The following CDK17 variants were observed in gnomAD, a reference collection of about 807,000 sequenced individuals.
The protein encoded by CDK17 is cyclin dependent kinase 17.
Under a neutral mutation model 77.6 loss-of-function variants are expected in CDK17, and 24 were observed. The observed-to-expected ratio is 0.31, with a 90% CI of 0.22 to 0.44. The LOEUF (loss-of-function observed/expected upper bound fraction) is 0.44, where lower values mean the gene tolerates loss of function less well. CDK17 is among the 20% of genes least tolerant of loss of function. The pLI is 1.00. For missense variants in CDK17, 429 were observed against 622.5 expected (o/e 0.69, Z 3.31); for synonymous variants, 203 against 210.4 (o/e 0.96, Z 0.30).
chr12:96,386,189 T>C (rs1193571191), intron 1 of CDK17, among the ~76,000 whole-genome samples: 1 of 152,166 alleles, frequency 6.6e-6, no homozygotes, highest in African/African-American at 2.4e-5. Context: ...AGAGATGGCA[T>C]TTTGCCATGT....
At chr12:96,296,549 C>T (rs1952409047) in intron 9 of CDK17, among the ~76,000 whole-genome samples, 1 of 152,166 alleles carries the variant, frequency 6.6e-6, no homozygotes, top group Admixed American at 6.5e-5. Context: ...AAGCACACAG[C>T]TGCGACAGCC....
intron 9 of CDK17, chr12:96,295,456 G>GCCTACTAAGGTTTACATAGTTTA (rs1952390342): frequency 1.9e-5 from 3 of 157,470 alleles, no homozygotes; most frequent in African/African-American, 7.3e-5. Flanking sequence ...AAACTTACAG[G>GCCTACTAAGGTTTACATAGTTTA]CCTACTAAGG....
intron 1 of CDK17, among the ~76,000 whole-genome samples, chr12:96,357,528 C>T (rs1442981579): frequency 6.6e-6 from 1 of 152,136 alleles, no homozygotes; most frequent in Non-Finnish European, 1.5e-5. Context: ...TGAACACTCT[C>T]GGTCGTGAGT....
chr12:96,391,285 AT>A (rs10718899), intron 1 of CDK17, among the ~76,000 whole-genome samples: 45,978 of 146,312 alleles, frequency 0.31, 7,419 homozygotes, highest in East Asian at 0.57. Flanking sequence ...TTTGTTTTTG[AT>A]TTTTTTTTTC....
chr12:96,342,854 C>T (rs955639562), intron 1 of CDK17, among the ~76,000 whole-genome samples: 2 of 151,454 alleles, frequency 1.3e-5, no homozygotes, highest in Non-Finnish European at 2.9e-5. Flanking sequence ...CCCAGCTACT[C>T]GGGAGGCTGC....
Position 96,331,602 on chromosome 12 carries a change from A to T in CDK17, c.118+3117T>A, listed in dbSNP as rs867905796. 5.3e-5 allele frequency among the ~76,000 whole-genome samples: 8 copies of T among 152,350 alleles called. No homozygotes were observed. In the South Asian group the frequency reaches 1.7e-3, roughly 32 times the overall value. The stretch of plus-strand genomic sequence containing the variant: ...ATTTATAGATTTATAACTGAGTTAA[A>T]AACCTTCATATATGACTCAGTTATC... On this transcript the variant is annotated intron_variant, in intron 2 of 16. Coordinates refer to ENST00000261211, the MANE Select transcript of CDK17 (RefSeq NM_002595.5).
chr12:96,369,633 C>T (rs925723948), intron 1 of CDK17, among the ~76,000 whole-genome samples: 2 of 152,058 alleles, frequency 1.3e-5, no homozygotes, highest in African/African-American at 4.8e-5. Context: ...CAAAAATTAT[C>T]CAGGCGTGAT....
intron 5 of CDK17, among the ~76,000 whole-genome samples, chr12:96,309,035 G>A (rs1415846533): frequency 6.6e-6 from 1 of 152,072 alleles, no homozygotes; most frequent in Non-Finnish European, 1.5e-5. Context: ...ATGTGACCAT[G>A]TCAGCCTTTG....
intron 1 of CDK17, among the ~76,000 whole-genome samples, chr12:96,374,180 C>T (rs976535955): frequency 2.6e-5 from 4 of 152,134 alleles, no homozygotes; most frequent in African/African-American, 7.2e-5. Context: ...TGGAGCAACA[C>T]GGCAGCCAAA....
rs774341965 is a variant in CDK17, at chr12:96,310,854, A to G, written c.543+198T>C. 7.1e-4 allele frequency among the ~76,000 whole-genome samples: 107 copies of G among 151,582 alleles called. 1 individual carries two copies. Among genetic ancestry groups the G allele is most frequent in the Non-Finnish European group, 1.3e-3 (90 of 67,972 alleles). ...AAAATATACCTTAAATCCTATTCCA[A>G]TATGCATCCTATTGAATGCATCTTA... On this transcript the variant is annotated intron_variant, in intron 5 of 16. Coordinates refer to ENST00000261211, the MANE Select transcript of CDK17 (RefSeq NM_002595.5).
At position 96,282,503 on chromosome 12, in the gene CDK17, TCTTA is replaced by T. The variant is rs1379299516; in HGVS notation, c.1456+2_1456+5del. On this transcript the variant is annotated splice_donor_variant and splice_donor_5th_base_variant and intron_variant, in intron 15 of 16. Coordinates refer to ENST00000261211, the MANE Select transcript of CDK17 (RefSeq NM_002595.5). LOFTEE classifies it high-confidence loss of function. ...AGCAGGGAAAACACTTTAGGATTTC[TCTTA>T]CTTTCTGGTAAAGCATGTATTCTTG... is the stretch of plus-strand genomic sequence containing the variant. 6.3e-7 allele frequency: 1 copy of T among 1,578,866 alleles called. No homozygotes were observed. Among genetic ancestry groups the T allele is most frequent in the Non-Finnish European group, 8.7e-7 (1 of 1,148,030 alleles).
At chr12:96,340,045 T>A (rs914082089) in intron 1 of CDK17, among the ~76,000 whole-genome samples, 9 of 151,970 alleles carry the variant, frequency 5.9e-5, no homozygotes, top group Non-Finnish European at 1.2e-4. Flanking sequence ...CCTACAAAAA[T>A]CTTAAAAATT....
At chr12:96,322,374 A>G (rs191141360) in intron 3 of CDK17, among the ~76,000 whole-genome samples, 1 of 152,250 alleles carries the variant, frequency 6.6e-6, no homozygotes, top group East Asian at 1.9e-4. Flanking sequence ...TTCTTTTTAT[A>G]TGGCCCATGA....
At chr12:96,368,043 A>G (rs1030310140) in intron 1 of CDK17, among the ~76,000 whole-genome samples, 1 of 152,134 alleles carries the variant, frequency 6.6e-6, no homozygotes, top group Non-Finnish European at 1.5e-5. Flanking sequence ...GAGTTTACGA[A>G]CAGTCCAAGT....
intron 1 of CDK17, among the ~76,000 whole-genome samples, chr12:96,370,899 C>T (rs559294405): frequency 3.3e-4 from 50 of 151,982 alleles, no homozygotes; most frequent in Non-Finnish European, 6.2e-4. Flanking sequence ...ATTTCTGAAA[C>T]GTTTAAGAGT....
intron 2 of CDK17, among the ~76,000 whole-genome samples, chr12:96,329,103 T>TA (rs1807257365): frequency 6.6e-6 from 1 of 152,080 alleles, no homozygotes; most frequent in Non-Finnish European, 1.5e-5. Context: ...GGCAAATTCA[T>TA]AGACAGTAGA....
chr12:96,330,460 C>T lies in CDK17; in HGVS notation c.118+4259G>A, dbSNP rs1036947177. On this transcript the variant is annotated intron_variant, in intron 2 of 16. Transcript: ENST00000261211. ...ACAATGTGGTACAACCATCACCTCC[C>T]TGTGTTCCAAAACATTTTCATATTG... Among the ~76,000 whole-genome samples, 28 of 152,300 alleles carry T rather than the reference C, an allele frequency of 1.8e-4. No individual in the cohort carries two copies. In the East Asian group the frequency reaches 2.3e-3, roughly 13 times the overall value.
At chr12:96,337,027 C>A (rs1240559059) in intron 1 of CDK17, among the ~76,000 whole-genome samples, 1 of 152,054 alleles carries the variant, frequency 6.6e-6, no homozygotes, top group Admixed American at 6.6e-5. Context: ...ACGGAAAAAA[C>A]GTAGAGCCTC....
chr12:96,373,603 A>AAG (rs1034333549), intron 1 of CDK17, among the ~76,000 whole-genome samples: 4 of 150,078 alleles, frequency 2.7e-5, no homozygotes, highest in East Asian at 2.0e-4. Flanking sequence ...CTCAGAAGAA[A>AAG]AGAGAGAGAG....
Sources: allele counts gnomAD v4.1 joint callset (sites outside exome capture counted in the v4.1 genomes callset), GRCh38; gene constraint gnomAD v4.1.1; transcripts MANE v1.5; gene names NCBI Gene and HGNC (gene_info 2026-07-23, HGNC 2026-07-21).